DENND4C: variants seen among roughly 807,000 people sequenced by gnomAD.
The protein encoded by DENND4C is DENN domain containing 4C.
Under a neutral mutation model 203.0 loss-of-function variants are expected in DENND4C, and 108 were observed. The observed-to-expected ratio is 0.53, with a 90% CI of 0.46 to 0.62. The LOEUF is 0.62. Among genes scored for constraint, DENND4C ranks in the 20% least tolerant of loss-of-function variants. The pLI is 0.00. For synonymous variants in DENND4C, 871 were observed against 792.4 expected, an observed-to-expected ratio of 1.10 and a Z score of -1.67; for missense variants, 2,481 against 2,301.2, an observed-to-expected ratio of 1.08 and a Z score of -1.60.
At chr9:19,266,994 T>C (rs1830640179) in intron 1 of DENND4C, among the ~76,000 whole-genome samples, 1 of 152,212 alleles carries the variant, frequency 6.6e-6, no homozygotes, top group Admixed American at 6.5e-5. Flanking sequence ...CTTTCAGTTT[T>C]GTTTTTTTTA....
At chr9:19,237,608 C>T (rs1456512535) in intron 1 of DENND4C, among the ~76,000 whole-genome samples, 2 of 151,824 alleles carry the variant, frequency 1.3e-5, no homozygotes, top group East Asian at 1.9e-4. Flanking sequence ...CCGCCCGCCT[C>T]GACCTCCCAA....
Position 19,346,691 on chromosome 9 carries a change from G to A in DENND4C, c.3922G>A (p.Glu1308Lys), listed in dbSNP as rs745779880. 1 of 1,614,140 alleles carries A rather than the reference G, an allele frequency of 6.2e-7. No individual in the cohort carries two copies. The change falls in exon 23 of 33, where the codon GAA becomes AAA. Residue 1308 changes from glutamate to lysine, a missense_variant. This residue lies in a region of DENND4C where 2,289 missense variants were observed against 2,113.3 expected (regional missense o/e 1.08). Transcript: ENST00000434457. ...KSSSMELHRE[E>K]NRESGMTTAF... The stretch of plus-strand genomic sequence containing the variant: ...TTCTAGTATGGAATTACACAGAGAG[G>A]AAAACAGAGAGTCTGGCATGACTAC...
Position 19,346,423 on chromosome 9 carries a change from A to G in DENND4C, c.3654A>G (p.Arg1218=), listed in dbSNP as rs1297649759. The G allele has an allele frequency of 1.2e-6, 2 of 1,614,172 alleles. No individual in the cohort carries two copies. Among genetic ancestry groups the G allele is most frequent in the Non-Finnish European group, 1.7e-6 (2 of 1,180,014 alleles). ...GTGATAGTAACAGTAATCAGTCCAG[A>G]GACTTGAAAACAGTATCCAAAGATC... ...LLSDSNSNQS[R]DLKTVSKDLR... is the part of the protein sequence containing the mutation. Residue 1218 remains arginine (R), a synonymous_variant, in exon 23 of 33, where the codon AGA becomes AGG. Coordinates refer to ENST00000434457, the MANE Select transcript of DENND4C (RefSeq NM_001330640.2).
intron 26 of DENND4C, among the ~76,000 whole-genome samples, chr9:19,352,893 C>T (rs543422877): frequency 5.9e-5 from 9 of 151,998 alleles, no homozygotes; most frequent in African/African-American, 1.5e-4. Flanking sequence ...CAACACTTTG[C>T]GAGGCCCAGG....
chr9:19,332,237 C>G, intron 17 of DENND4C, 53 bp downstream of exon 17: 1 of 1,550,282 alleles, frequency 6.5e-7, no homozygotes, highest in Non-Finnish European at 8.9e-7. Flanking sequence ...TTTTGTACTT[C>G]TAATAAAATT....
At chr9:19,273,503 G>A (rs1034327186) in intron 1 of DENND4C, among the ~76,000 whole-genome samples, 3 of 151,920 alleles carry the variant, frequency 2.0e-5, no homozygotes, top group East Asian at 3.9e-4. Context: ...AACACAAGCC[G>A]CAGACTGGGA....
At chr9:19,343,690 C>G (rs1189672118) in intron 22 of DENND4C, among the ~76,000 whole-genome samples, 1 of 152,188 alleles carries the variant, frequency 6.6e-6, no homozygotes, top group African/African-American at 2.4e-5. Context: ...TTCCTAACCT[C>G]TTGATAGCAG....
Position 19,276,464 on chromosome 9 carries a change from C to G in DENND4C, c.290C>G (p.Pro97Arg). ...TATAAGAGAGGGAGAGATAAACCAC[C>G]GCTTACAGATATTGGGTATGGTGAC... ...LCYKRGRDKP[P>R]LTDIGVLYEG... The change falls in exon 2 of 33, where the codon CCG (proline) becomes CGG (arginine). Residue 97 changes from proline (P) to arginine (R), a missense_variant. Pro to Arg is a moderately radical substitution (Grantham distance 103, BLOSUM62 -2). Coordinates refer to ENST00000434457, the MANE Select transcript of DENND4C (RefSeq NM_001330640.2). 8.1e-7 allele frequency: 1 copy of G among 1,231,944 alleles called. No individual in the cohort carries two copies. Among genetic ancestry groups the G allele is most frequent in the Non-Finnish European group, 1.0e-6 (1 of 987,874 alleles). 76.3% of individuals were successfully genotyped at this position (1,231,944 alleles called of 1,614,324 possible). A position where few individuals can be genotyped will look rare whatever the true frequency, so the allele number is the denominator to read the frequency against.
intron 12 of DENND4C, among the ~76,000 whole-genome samples, chr9:19,320,310 C>T (rs535165067): frequency 1.2e-4 from 18 of 151,948 alleles, no homozygotes; most frequent in Admixed American, 5.9e-4. Context: ...GTGATTCTCC[C>T]GCCTCAGCCT....
In DENND4C at chr9:19,372,930, ATGTGTATATACAGCCATAT is replaced by A. The variant is rs1829088499; in HGVS notation, c.*759_*777del. The A allele has an allele frequency of 1.3e-5, 2 of 151,490 alleles. No individual in the cohort carries two copies. The highest frequency in any genetic ancestry group is 3.9e-4 in the East Asian group (2 of 5,146). The allele number at this position is 151,490 out of a possible 1,614,324, so 9.4% of individuals were successfully genotyped here. A position where few individuals can be genotyped will look rare whatever the true frequency, so the allele number is the denominator to read the frequency against. The stretch of plus-strand genomic sequence containing the variant: ...TGTATATGTGTAGGGCTGTGTAGGT[ATGTGTATATACAGCCATAT>A]TCTAAGTGTATATTTATTAAAATAG... On this transcript the variant is annotated 3_prime_UTR_variant, in exon 33 of 33. Transcript: ENST00000434457.
At position 19,306,748 on chromosome 9, in the gene DENND4C, T is replaced by TTTATTTATTTA. The variant is rs1314334661; in HGVS notation, c.1487+1224_1487+1234dup. ...AATGTGAAGTGTTTGCACAATTGTATTTATTTATTTATTTATTTATTTATT... is the reference window on the plus strand; with the variant it reads ...AATGTGAAGTGTTTGCACAATTGTATTTATTTATTTATTATTTATTTATTTATTTATTTATT... On this transcript the variant is annotated intron_variant, in intron 10 of 32. Coordinates refer to ENST00000434457, the MANE Select transcript of DENND4C (RefSeq NM_001330640.2). Among the ~76,000 whole-genome samples the TTTATTTATTTA allele has an allele frequency of 6.8e-3, 640 of 94,070 alleles. 4 individuals carry two copies. Among genetic ancestry groups the TTTATTTATTTA allele is most frequent in the African/African-American group, 0.031 (608 of 19,882 alleles). The allele number at this position is 94,070 out of a possible 152,430, so 61.7% of individuals were successfully genotyped here.
At chr9:19,261,083 A>G (rs1829234683) in intron 1 of DENND4C, among the ~76,000 whole-genome samples, 1 of 152,068 alleles carries the variant, frequency 6.6e-6, no homozygotes, top group Non-Finnish European at 1.5e-5. Context: ...GCATATTGAT[A>G]TCTAGTTTTC....
At chr9:19,364,969 A>T (rs1307490902) in intron 30 of DENND4C, among the ~76,000 whole-genome samples, 1 of 152,188 alleles carries the variant, frequency 6.6e-6, no homozygotes, top group Non-Finnish European at 1.5e-5. Flanking sequence ...GAGAGCTCTG[A>T]AATTTTCCCT....
At position 19,346,269 on chromosome 9, in the gene DENND4C, C is replaced by T. The variant is rs747547077; in HGVS notation, c.3500C>T (p.Thr1167Ile). ...PDSRTCMSES[T>I]WNPEHRSSPV... ...AGTAGGACTTGTATGTCTGAAAGCA[C>T]TTGGAATCCTGAGCACAGATCATCT... The change falls in exon 23 of 33, where the codon ACT (threonine) becomes ATT (isoleucine). Residue 1167 changes from threonine to isoleucine, a missense_variant. Transcript: ENST00000434457. The T allele has an allele frequency of 8.1e-6, 13 of 1,614,174 alleles. No homozygotes were observed. Among genetic ancestry groups the T allele is most frequent in the Non-Finnish European group, 1.0e-5 (12 of 1,180,028 alleles).
intron 1 of DENND4C, among the ~76,000 whole-genome samples, chr9:19,248,589 C>T (rs1006060534): frequency 6.6e-6 from 1 of 151,972 alleles, no homozygotes; most frequent in Non-Finnish European, 1.5e-5. Context: ...GGGGTTTCTC[C>T]ATATTGGTCA....
At position 19,372,205 on chromosome 9, in the gene DENND4C, G is replaced by T. The variant is rs368328156; in HGVS notation, c.*32G>T. Reference sequence around the variant, plus strand: ...ATTCACTAGAATGTTGACACACAAGGCTTGGGGATTAGATTTCATCTGGAA... The same window carrying T: ...ATTCACTAGAATGTTGACACACAAGTCTTGGGGATTAGATTTCATCTGGAA... On this transcript the variant is annotated 3_prime_UTR_variant, in exon 33 of 33. Coordinates refer to ENST00000434457, the MANE Select transcript of DENND4C (RefSeq NM_001330640.2). The T allele has an allele frequency of 1.3e-6, 2 of 1,582,974 alleles. No homozygotes were observed. The highest frequency in any genetic ancestry group is 1.4e-5 in the African/African-American group (1 of 73,562).
chr9:19,307,605 A>G (rs1241985257), intron 10 of DENND4C, among the ~76,000 whole-genome samples: 1 of 151,536 alleles, frequency 6.6e-6, no homozygotes, highest in Non-Finnish European at 1.5e-5. Flanking sequence ...CTCCGTCTCT[A>G]CTAAAAACAC....
At chr9:19,253,113 T>A (rs1183483406) in intron 1 of DENND4C, among the ~76,000 whole-genome samples, 2 of 152,248 alleles carry the variant, frequency 1.3e-5, no homozygotes, top group African/African-American at 2.4e-5. Flanking sequence ...TATGCCTTCT[T>A]ACGTAGTGTT....
chr9:19,302,399 T>C (rs757049776), intron 9 of DENND4C, among the ~76,000 whole-genome samples: 2 of 152,206 alleles, frequency 1.3e-5, no homozygotes, highest in Non-Finnish European at 2.9e-5. Flanking sequence ...TGCTAGCATA[T>C]AGCTTTTTTT....
Sources: allele counts gnomAD v4.1 joint callset (sites outside exome capture counted in the v4.1 genomes callset), GRCh38; gene constraint gnomAD v4.1.1; regional missense constraint gnomAD v4.1.1; transcripts MANE v1.5; gene names NCBI Gene and HGNC (gene_info 2026-07-23, HGNC 2026-07-21).